Variants in FOXP1 observed in about 807,000 individuals in gnomAD.
The protein encoded by FOXP1 is forkhead box P1.
A neutral mutation model predicts 98.2 loss-of-function variants in FOXP1; 15 were observed. The ratio of observed to expected loss-of-function variants is 0.15; its 90% CI spans 0.10 to 0.24. The LOEUF (loss-of-function observed/expected upper bound fraction) is 0.24, where lower values mean the gene tolerates loss of function less well. Ranked by LOEUF, FOXP1 falls within the 10% of genes least tolerant of loss-of-function variation. The pLI is 1.00. For synonymous variants in FOXP1, 371 were observed against 314.5 expected, an observed-to-expected ratio of 1.18 and a Z score of -1.90; for missense variants, 633 against 848.5, an observed-to-expected ratio of 0.75 and a Z score of 3.15.
At chr3:71,502,808 T>A (rs2041495390) in intron 2 of FOXP1, among the ~76,000 whole-genome samples, 1 of 152,162 alleles carries the variant, frequency 6.6e-6, no homozygotes, top group African/African-American at 2.4e-5. Flanking sequence ...ATTGATGACA[T>A]CCATATTTTC....
intron 6 of FOXP1, among the ~76,000 whole-genome samples, chr3:71,131,522 C>T (rs1017894727): frequency 6.6e-6 from 1 of 152,000 alleles, no homozygotes; most frequent in African/African-American, 2.4e-5. Context: ...GAATGCTGGA[C>T]TGTCTGTCAT....
chr3:70,957,303 C>A lies in FOXP1; in HGVS notation c.*1944G>T, dbSNP rs1418381846. ...CAAAAAGAAAAAGGAAAAATAACTA[C>A]TAGAAAAAAGTAACAACTTTGGTTC... On this transcript the variant is annotated 3_prime_UTR_variant, in exon 21 of 21. Transcript: ENST00000649528. The A allele has an allele frequency of 1.3e-5, 3 of 226,982 alleles. No individual in the cohort carries two copies. Among genetic ancestry groups the A allele is most frequent in the Non-Finnish European group, 2.6e-5 (3 of 114,166 alleles). The allele number at this position is 226,982 out of a possible 1,614,324, so 14.1% of individuals were successfully genotyped here.
Position 71,429,793 on chromosome 3 carries a change from G to A in FOXP1, c.-168+63633C>T, listed in dbSNP as rs145606883. ...TTGAAAGACAGCTAAATCACCCCAC[G>A]GTGCCTGATCTCACTCACCTGGTTG... is the stretch of plus-strand genomic sequence containing the variant. On this transcript the variant is annotated intron_variant, in intron 3 of 20. Coordinates refer to ENST00000649528, the MANE Select transcript of FOXP1 (RefSeq NM_001349338.3). 1.0e-3 allele frequency among the ~76,000 whole-genome samples: 158 copies of A among 152,190 alleles called. 4 individuals are homozygous for A. Among genetic ancestry groups the A allele is most frequent in the East Asian group, 1.4e-3 (7 of 5,180 alleles).
intron 8 of FOXP1, 128 bp downstream of exon 8, chr3:71,053,508 C>T: frequency 3.6e-6 from 4 of 1,124,150 alleles, no homozygotes; most frequent in Non-Finnish European, 3.9e-6. Context: ...TGTGTCCTGC[C>T]CCACCCACGC....
chr3:71,495,482 T>C (rs2091341874), intron 2 of FOXP1, among the ~76,000 whole-genome samples: 1 of 152,352 alleles, frequency 6.6e-6, no homozygotes, highest in African/African-American at 2.4e-5. Flanking sequence ...TATGTATCTT[T>C]TGAGTGAATA....
chr3:71,245,100 GATTT>G (rs2067624878), intron 5 of FOXP1: 1 of 152,200 alleles, frequency 6.6e-6, no homozygotes, highest in Non-Finnish European at 1.5e-5. Flanking sequence ...AGTTCCGTAG[GATTT>G]ATTTGACACT....
chr3:71,133,761 T>A (rs1023625013), intron 6 of FOXP1, among the ~76,000 whole-genome samples: 1 of 152,120 alleles, frequency 6.6e-6, no homozygotes, highest in Non-Finnish European at 1.5e-5. Context: ...TGCTTGACTC[T>A]TGGAGTTGAG....
intron 7 of FOXP1, among the ~76,000 whole-genome samples, chr3:71,100,066 C>T (rs2056823127): frequency 6.6e-6 from 1 of 152,198 alleles, no homozygotes; most frequent in Non-Finnish European, 1.5e-5. Context: ...CATGGATCAG[C>T]ATAGACTATG....
chr3:71,537,482 G>A (rs774211025), intron 2 of FOXP1, among the ~76,000 whole-genome samples: 1 of 152,232 alleles, frequency 6.6e-6, no homozygotes, highest in East Asian at 1.9e-4. Flanking sequence ...CCAGGCAGGC[G>A]CAGAGGCCAA....
chr3:71,077,207 A>T (rs2053885259), intron 7 of FOXP1, among the ~76,000 whole-genome samples: 1 of 152,230 alleles, frequency 6.6e-6, no homozygotes, highest in Non-Finnish European at 1.5e-5. Flanking sequence ...TAGAACTCTA[A>T]CAAAAACGGC....
intron 3 of FOXP1, among the ~76,000 whole-genome samples, chr3:71,475,876 T>C (rs1029272265): frequency 5.4e-5 from 8 of 147,468 alleles, no homozygotes; most frequent in Non-Finnish European, 1.2e-4. Context: ...ATAAAAATGA[T>C]GTATTTTCCT....
chr3:71,149,334 A>G (rs1283324196), intron 6 of FOXP1, among the ~76,000 whole-genome samples: 1 of 152,230 alleles, frequency 6.6e-6, no homozygotes, highest in East Asian at 1.9e-4. Flanking sequence ...AGCACATTGT[A>G]TATTGTATTT....
chr3:71,277,699 A>T (rs1212958351), intron 5 of FOXP1, among the ~76,000 whole-genome samples: 1 of 151,996 alleles, frequency 6.6e-6, no homozygotes, highest in Non-Finnish European at 1.5e-5. Context: ...CATTGAATTG[A>T]TCTTTCCCTA....
chr3:70,981,699 A>G (rs987053123), intron 14 of FOXP1, among the ~76,000 whole-genome samples: 1 of 152,262 alleles, frequency 6.6e-6, no homozygotes, highest in Non-Finnish European at 1.5e-5. Context: ...GGCCATTCCA[A>G]AACCAAGTGC....
At chr3:70,965,826 C>T in intron 20 of FOXP1, 64 bp downstream of exon 20, 2 of 1,510,696 alleles carry the variant, frequency 1.3e-6, no homozygotes, top group Admixed American at 1.7e-5. Context: ...AGGGCTGTCT[C>T]CCTGCGTGTA....
intron 5 of FOXP1, among the ~76,000 whole-genome samples, chr3:71,274,076 C>T (rs1190749306): frequency 6.6e-6 from 1 of 152,174 alleles, no homozygotes; most frequent in Non-Finnish European, 1.5e-5. Flanking sequence ...TGAAGGAGCC[C>T]TCCCTTCCAA....
At chr3:71,583,544 A>C in intron 1 of FOXP1, 27 bp downstream of exon 1, 3 of 968,818 alleles carry the variant, frequency 3.1e-6, no homozygotes, top group Non-Finnish European at 3.6e-6. Context: ...GAAAAAGTGG[A>C]GCAGAAATGG....
chr3:71,036,786 T>C (rs1225142247), intron 11 of FOXP1, among the ~76,000 whole-genome samples: 3 of 152,192 alleles, frequency 2.0e-5, no homozygotes, highest in Non-Finnish European at 4.4e-5. Flanking sequence ...CTGGTAAATA[T>C]GAATATACAC....
intron 5 of FOXP1, among the ~76,000 whole-genome samples, chr3:71,281,989 T>C (rs1188098386): frequency 6.7e-6 from 1 of 149,884 alleles, no homozygotes; most frequent in African/African-American, 2.5e-5. Context: ...GCACCTGTAA[T>C]CCCAGCTACT....
Sources: allele counts gnomAD v4.1 joint callset (sites outside exome capture counted in the v4.1 genomes callset), GRCh38; gene constraint gnomAD v4.1.1; transcripts MANE v1.5; gene names NCBI Gene and HGNC (gene_info 2026-07-23, HGNC 2026-07-21).